Variants in LHFPL3 observed in about 807,000 individuals in gnomAD.
LHFPL3 encodes LHFPL tetraspan subfamily member 3 protein.
In LHFPL3, 5 loss-of-function variants were observed where a neutral mutation model predicts 19.3. The ratio of observed to expected loss-of-function variants is 0.26; its 90% confidence interval spans 0.14 to 0.54. LHFPL3 has a LOEUF of 0.54. LHFPL3 is among the 20% of genes least tolerant of loss of function. LHFPL3 has a pLI of 0.94. For synonymous variants in LHFPL3, 133 were observed against 126.2 expected, an observed-to-expected ratio of 1.05 and a Z score of -0.36; for missense variants, 249 against 307.4, an observed-to-expected ratio of 0.81 and a Z score of 1.42.
intron 1 of LHFPL3, among the ~76,000 whole-genome samples, chr7:104,470,942 C>G (rs1396298454): frequency 6.6e-6 from 1 of 152,110 alleles, no homozygotes; most frequent in South Asian, 2.1e-4. Flanking sequence ...CTGCCAGTCC[C>G]CCTGCCCCTA....
At chr7:104,425,914 A>G (rs959758038) in intron 1 of LHFPL3, among the ~76,000 whole-genome samples, 4 of 152,194 alleles carry the variant, frequency 2.6e-5, no homozygotes, top group African/African-American at 7.2e-5. Flanking sequence ...AGTCTCCCCT[A>G]TATTGAGCTA....
chr7:104,769,615 C>A (rs932723403), intron 2 of LHFPL3, among the ~76,000 whole-genome samples: 2 of 150,344 alleles, frequency 1.3e-5, no homozygotes, highest in Non-Finnish European at 3.0e-5. Flanking sequence ...TTTAGCCCCC[C>A]CAACCCCCGA....
chr7:104,347,817 G>A (rs1242877881), intron 1 of LHFPL3, among the ~76,000 whole-genome samples: 2 of 151,882 alleles, frequency 1.3e-5, no homozygotes, highest in Admixed American at 6.6e-5. Context: ...TCTTGAACCC[G>A]GGAGGCAGAG....
intron 2 of LHFPL3, among the ~76,000 whole-genome samples, chr7:104,750,451 C>T (rs1794141800): frequency 6.6e-6 from 1 of 152,244 alleles, no homozygotes; most frequent in Non-Finnish European, 1.5e-5. Context: ...AATCTTGTCT[C>T]CTAGACTGGC....
At chr7:104,666,040 AT>A (rs1792330312) in intron 1 of LHFPL3, among the ~76,000 whole-genome samples, 1 of 152,206 alleles carries the variant, frequency 6.6e-6, no homozygotes, top group African/African-American at 2.4e-5. Context: ...TTTTTTAAAT[AT>A]TTATTAATAC....
chr7:104,706,961 G>C (rs1336241106), intron 1 of LHFPL3, among the ~76,000 whole-genome samples: 1 of 151,210 alleles, frequency 6.6e-6, no homozygotes, highest in Non-Finnish European at 1.5e-5. Flanking sequence ...AGCTAGCCTA[G>C]TGTATGTCTG....
intron 2 of LHFPL3, among the ~76,000 whole-genome samples, chr7:104,818,353 ACTTTAAGGCAACTGG>A (rs1429212404): frequency 6.6e-6 from 1 of 151,208 alleles, no homozygotes; most frequent in African/African-American, 2.4e-5. Flanking sequence ...AAGGCAACTG[ACTTTAAGGCAACTGG>A]CTTGGGCACT....
intron 1 of LHFPL3, among the ~76,000 whole-genome samples, chr7:104,405,945 G>A (rs1052111118): frequency 1.3e-5 from 2 of 152,194 alleles, no homozygotes; most frequent in African/African-American, 2.4e-5. Context: ...GCTTAAAGAG[G>A]TTAGCAACTT....
intron 2 of LHFPL3, among the ~76,000 whole-genome samples, chr7:104,834,719 C>A (rs1324516856): frequency 6.6e-6 from 1 of 151,948 alleles, no homozygotes; most frequent in East Asian, 1.9e-4. Context: ...GTGCACAATC[C>A]ATTCAGCATG....
chr7:104,761,562 G>A (rs1472398323), intron 2 of LHFPL3, among the ~76,000 whole-genome samples: 1 of 152,040 alleles, frequency 6.6e-6, no homozygotes, highest in African/African-American at 2.4e-5. Context: ...AGGAACTGAT[G>A]GAAGAAGGTT....
intron 1 of LHFPL3, among the ~76,000 whole-genome samples, chr7:104,670,186 T>A (rs1471051814): frequency 6.6e-6 from 1 of 150,966 alleles, no homozygotes; most frequent in Non-Finnish European, 1.5e-5. Context: ...GGAGTGAGAC[T>A]ATAGGCCATA....
At chr7:104,857,377 A>G (rs892915439) in intron 2 of LHFPL3, among the ~76,000 whole-genome samples, 1 of 152,190 alleles carries the variant, frequency 6.6e-6, no homozygotes. Context: ...GATTCATTCT[A>G]TATTATTTTA....
chr7:104,401,078 C>G (rs531130552), intron 1 of LHFPL3, among the ~76,000 whole-genome samples: 69 of 152,288 alleles, frequency 4.5e-4, no homozygotes, highest in Admixed American at 2.6e-3. Flanking sequence ...GGCCCTGGCC[C>G]TGGGGGTGGC....
At position 104,860,624 on chromosome 7, in the gene LHFPL3, G is replaced by C. The variant is rs150253666; in HGVS notation, c.683-45563G>C. 5.6e-3 allele frequency among the ~76,000 whole-genome samples: 849 copies of C among 152,300 alleles called. 8 individuals carry two copies. Among genetic ancestry groups the C allele is most frequent in the African/African-American group, 0.02 (814 of 41,554 alleles). On this transcript the variant is annotated intron_variant, in intron 2 of 2. Transcript: ENST00000424859. ...GGTGTTTCAACCAGACACTTTAAGAGGGAGCAGTAACAGCCTATTCTAAGT... is the reference window on the plus strand; with the variant it reads ...GGTGTTTCAACCAGACACTTTAAGACGGAGCAGTAACAGCCTATTCTAAGT...
At chr7:104,844,951 G>A (rs1367572348) in intron 2 of LHFPL3, among the ~76,000 whole-genome samples, 2 of 152,210 alleles carry the variant, frequency 1.3e-5, no homozygotes, top group African/African-American at 4.8e-5. Context: ...TGTTGGTCAG[G>A]CTAATCTCGA....
chr7:104,596,457 C>T (rs943941283), intron 1 of LHFPL3, among the ~76,000 whole-genome samples: 2 of 152,154 alleles, frequency 1.3e-5, no homozygotes, highest in African/African-American at 4.8e-5. Context: ...TTGATGGTTA[C>T]AAGTCTAAGT....
chr7:104,785,687 C>T (rs1789899082), intron 2 of LHFPL3: 1 of 152,248 alleles, frequency 6.6e-6, no homozygotes, highest in African/African-American at 2.4e-5. Context: ...GGCCACTTCC[C>T]TCCCTCCCAA....
rs572457723 is a variant in LHFPL3, at chr7:104,631,155, C to A, written c.446-105520C>A. 1.7e-4 allele frequency among the ~76,000 whole-genome samples: 26 copies of A among 152,130 alleles called. No homozygotes were observed. The East Asian group carries it at 2.7e-3, about 16-fold the overall frequency. ...TCATCCTAGCTAACAACAACAACAACAACAACAAAGCATTTAAAATGCCCA... is the reference window on the plus strand; with the variant it reads ...TCATCCTAGCTAACAACAACAACAAAAACAACAAAGCATTTAAAATGCCCA... On this transcript the variant is annotated intron_variant, in intron 1 of 2. Transcript: ENST00000424859.
At chr7:104,345,023 A>T (rs1790036597) in intron 1 of LHFPL3, among the ~76,000 whole-genome samples, 1 of 152,200 alleles carries the variant, frequency 6.6e-6, no homozygotes, top group Non-Finnish European at 1.5e-5. Context: ...TATCTCATAA[A>T]ACTGTTTGAG....
Sources: gnomAD v4.1 joint callset for allele counts (sites outside exome capture counted in the v4.1 genomes callset) on GRCh38, gnomAD v4.1.1 for gene constraint, MANE v1.5 for transcripts, NCBI Gene and HGNC (gene_info 2026-07-23, HGNC 2026-07-21) for gene names.